The following CADPS2 variants were observed in gnomAD, a reference collection of about 807,000 sequenced individuals.
CADPS2 encodes the protein calcium dependent secretion activator 2, also known as calcium-dependent secretion activator 2.
Under a neutral mutation model 172.5 loss-of-function variants are expected in CADPS2, and 93 were observed. The observed-to-expected ratio is 0.54, with a 90% CI of 0.46 to 0.64. The LOEUF (loss-of-function observed/expected upper bound fraction) is 0.64. Among genes scored for constraint, CADPS2 ranks in the 30% least tolerant of loss-of-function variants. CADPS2 has a pLI of 0.00. For synonymous variants in CADPS2, 546 were observed against 555.2 expected (o/e 0.98, Z 0.23); for missense variants, 1,420 against 1,565.9 (o/e 0.91, Z 1.57).
At chr7:122,844,604 A>C (rs1811461049) in intron 1 of CADPS2, among the ~76,000 whole-genome samples, 1 of 152,242 alleles carries the variant, frequency 6.6e-6, no homozygotes, top group African/African-American at 2.4e-5. Context: ...CACAGAAAAC[A>C]ATATTGCTTA....
At chr7:122,440,212 C>T (rs2051171858) in intron 16 of CADPS2, 1 of 152,138 alleles carries the variant, frequency 6.6e-6, no homozygotes, top group Admixed American at 6.5e-5. Context: ...TTCATCCTGC[C>T]ACCTGTCAAT....
intron 6 of CADPS2, among the ~76,000 whole-genome samples, chr7:122,590,643 G>A (rs900601549): frequency 3.3e-5 from 5 of 151,584 alleles, no homozygotes; most frequent in African/African-American, 1.2e-4. Context: ...AGATTTCTAA[G>A]GCAGCCCAAT....
At chr7:122,736,653 G>C (rs1343727424) in intron 2 of CADPS2, among the ~76,000 whole-genome samples, 1 of 152,152 alleles carries the variant, frequency 6.6e-6, no homozygotes, top group Non-Finnish European at 1.5e-5. Context: ...GGATAATTTA[G>C]ACATGTGGAC....
chr7:122,393,350 C>T, intron 21 of CADPS2, 35 bp from the exon 22 acceptor site: 4 of 1,613,652 alleles, frequency 2.5e-6, no homozygotes, highest in Non-Finnish European at 3.4e-6. Flanking sequence ...AAGGGACCAC[C>T]ATAAGCGATA....
chr7:122,626,498 C>G (rs1300686413), intron 4 of CADPS2, among the ~76,000 whole-genome samples: 1 of 152,264 alleles, frequency 6.6e-6, no homozygotes, highest in East Asian at 1.9e-4. Context: ...AAGAACTGGC[C>G]TGCCCTGACC....
chr7:122,792,496 T>C (rs1286386404), intron 1 of CADPS2, among the ~76,000 whole-genome samples: 2 of 152,168 alleles, frequency 1.3e-5, no homozygotes, highest in African/African-American at 4.8e-5. Flanking sequence ...TCCAGAACTG[T>C]TAGAAATAAA....
At chr7:122,857,260 C>T (rs1815532639) in intron 1 of CADPS2, among the ~76,000 whole-genome samples, 2 of 152,144 alleles carry the variant, frequency 1.3e-5, no homozygotes, top group Admixed American at 1.3e-4. Context: ...ACATTTCTCC[C>T]CCTCTATTTC....
At chr7:122,399,672 T>C (rs2045664576) in intron 20 of CADPS2, among the ~76,000 whole-genome samples, 1 of 33,254 alleles carries the variant, frequency 3.0e-5, no homozygotes, top group Non-Finnish European at 5.7e-5. Context: ...TTTTTTTTTT[T>C]TTTTTTTTTT....
At chr7:122,799,537 G>A (rs907460521) in intron 1 of CADPS2, among the ~76,000 whole-genome samples, 6 of 150,544 alleles carry the variant, frequency 4.0e-5, no homozygotes, top group Admixed American at 1.3e-4. Context: ...CCGGGAGGTG[G>A]AGCTTGCAGT....
chr7:122,416,044 T>G lies in CADPS2; in HGVS notation c.2580+17A>C. The G allele has an allele frequency of 6.8e-7, 1 of 1,466,954 alleles. No homozygotes were observed. The highest frequency in any genetic ancestry group is 9.2e-7 in the Non-Finnish European group (1 of 1,081,296). The allele number at this position is 1,466,954 out of a possible 1,614,324, so 90.9% of individuals were successfully genotyped here. ...CCTTACATATAGCTTTATACTACAG[T>G]GAAAACAGGTCATCACCTCTGCATG... On this transcript the variant is annotated intron_variant, in intron 18 of 29. Transcript: ENST00000449022.
chr7:122,643,100 T>C (rs965350394), intron 3 of CADPS2, among the ~76,000 whole-genome samples: 1 of 152,192 alleles, frequency 6.6e-6, no homozygotes, highest in African/African-American at 2.4e-5. Context: ...CAATAAATAA[T>C]CAGCACAAAC....
At chr7:122,518,352 A>G (rs1262631795) in intron 8 of CADPS2, among the ~76,000 whole-genome samples, 1 of 152,124 alleles carries the variant, frequency 6.6e-6, no homozygotes, top group African/African-American at 2.4e-5. Context: ...TGCACAGCTG[A>G]TAAAATTAAA....
intron 8 of CADPS2, among the ~76,000 whole-genome samples, chr7:122,538,673 AG>A (rs34655911): frequency 0.3 from 45,758 of 151,760 alleles, 7,272 homozygotes; most frequent in East Asian, 0.39. Context: ...GTAAGGAGAT[AG>A]GAAAGTACAC....
intron 1 of CADPS2, among the ~76,000 whole-genome samples, chr7:122,797,124 T>G (rs561911386): frequency 1.3e-3 from 191 of 152,188 alleles, no homozygotes; most frequent in Admixed American, 3.7e-3. Context: ...CACCTATCAT[T>G]AGAGACACGC....
At chr7:122,489,441 A>AC (rs2058099168) in intron 11 of CADPS2, among the ~76,000 whole-genome samples, 1 of 152,162 alleles carries the variant, frequency 6.6e-6, no homozygotes, top group Non-Finnish European at 1.5e-5. Flanking sequence ...AAGTTAAAAC[A>AC]CTTGGTTTAG....
chr7:122,794,622 G>C (rs1369555911), intron 1 of CADPS2, among the ~76,000 whole-genome samples: 1 of 151,858 alleles, frequency 6.6e-6, no homozygotes, highest in Admixed American at 6.6e-5. Context: ...GGACCTGATA[G>C]ATAGCTACAG....
At chr7:122,628,837 TAGTC>T (rs992202296) in intron 4 of CADPS2, among the ~76,000 whole-genome samples, 6 of 150,454 alleles carry the variant, frequency 4.0e-5, no homozygotes, top group African/African-American at 1.2e-4. Context: ...AATTAAATGT[TAGTC>T]AGAACCACTA....
intron 17 of CADPS2, chr7:122,425,823 T>C (rs2151849790): frequency 6.6e-6 from 1 of 152,312 alleles, no homozygotes; most frequent in Non-Finnish European, 1.5e-5. Flanking sequence ...ATCATGCCTA[T>C]TCCTTCCTGT....
intron 1 of CADPS2, among the ~76,000 whole-genome samples, chr7:122,786,763 T>C (rs920380154): frequency 2.6e-5 from 4 of 152,172 alleles, no homozygotes; most frequent in African/African-American, 9.7e-5. Context: ...CCCATTTTTT[T>C]TTCTATAAGA....
Sources: gnomAD v4.1 joint callset for allele counts (sites outside exome capture counted in the v4.1 genomes callset) on GRCh38, gnomAD v4.1.1 for gene constraint, MANE v1.5 for transcripts, NCBI Gene and HGNC (gene_info 2026-07-23, HGNC 2026-07-21) for gene names.